The following CSMD1 variants were observed in gnomAD, a reference collection of about 807,000 sequenced individuals.
CSMD1 encodes CUB and Sushi multiple domains 1, also known as CUB and sushi domain-containing protein 1.
CSMD1 carries 213 observed loss-of-function variants against 417.5 expected under a neutral mutation model. That is an observed-to-expected ratio of 0.51 (90% CI 0.46 to 0.57). The LOEUF is 0.57. CSMD1 is among the 20% of genes least tolerant of loss of function. The pLI, the probability that CSMD1 is intolerant of heterozygous loss-of-function variation, is 0.00. For synonymous variants in CSMD1, 2,862 were observed against 1,736.8 expected, an observed-to-expected ratio of 1.65 and a Z score of -16.11; for missense variants, 6,923 against 4,529.7, an observed-to-expected ratio of 1.53 and a Z score of -15.17.
rs74868891 is a variant in CSMD1, at chr8:3,538,306, G to A, written c.1344+36639C>T. ...CACCTGATATGCTTCACCTGAGATG[G>A]TACACGTGCGATGCCTCATCTGAGA... On this transcript the variant is annotated intron_variant, in intron 10 of 69. Coordinates refer to ENST00000635120, the MANE Select transcript of CSMD1 (RefSeq NM_033225.6). Among the ~76,000 whole-genome samples the A allele has an allele frequency of 4.5e-3, 687 of 151,734 alleles. 10 individuals carry two copies. The highest frequency in any genetic ancestry group is 6.0e-3 in the Admixed American group (92 of 15,252).
At chr8:4,738,374 G>A (rs146942339) in intron 1 of CSMD1, among the ~76,000 whole-genome samples, 7 of 152,242 alleles carry the variant, frequency 4.6e-5, no homozygotes, top group African/African-American at 1.7e-4. Flanking sequence ...GTAGCAAAAG[G>A]GCAGCAAACA....
intron 5 of CSMD1, among the ~76,000 whole-genome samples, chr8:3,916,044 T>C (rs1808803094): frequency 6.6e-6 from 1 of 151,688 alleles, no homozygotes; most frequent in Admixed American, 6.6e-5. Flanking sequence ...GACAAATGGG[T>C]AACATAATAC....
chr8:3,947,187 T>C (rs73507602), intron 5 of CSMD1, among the ~76,000 whole-genome samples: 23,296 of 152,188 alleles, frequency 0.15, 2,586 homozygotes, highest in African/African-American at 0.31. Flanking sequence ...TTTACTGGGT[T>C]CAGGAGGTTT....
intron 3 of CSMD1, among the ~76,000 whole-genome samples, chr8:4,374,962 G>GT (rs1554450676): frequency 2.0e-5 from 1 of 49,798 alleles, no homozygotes; most frequent in Non-Finnish European, 4.9e-5. Context: ...AAGGTGGGGT[G>GT]GGGGGGGGGG....
chr8:4,047,148 C>T (rs532906662), intron 3 of CSMD1, among the ~76,000 whole-genome samples: 7 of 152,254 alleles, frequency 4.6e-5, no homozygotes, highest in Admixed American at 6.5e-5. Context: ...CAGCCTGCAA[C>T]GGTTCCGTGA....
chr8:2,999,380 C>T (rs1807198429), intron 53 of CSMD1, among the ~76,000 whole-genome samples: 1 of 152,108 alleles, frequency 6.6e-6, no homozygotes, highest in Non-Finnish European at 1.5e-5. Context: ...TCTTGAACTC[C>T]TGACCTCAGG....
intron 5 of CSMD1, among the ~76,000 whole-genome samples, chr8:3,877,394 C>A (rs1805896181): frequency 6.6e-6 from 1 of 152,190 alleles, no homozygotes; most frequent in Non-Finnish European, 1.5e-5. Flanking sequence ...CAGACCGAAC[C>A]CACGTTCCAT....
chr8:3,973,105 G>A (rs1342501114), intron 5 of CSMD1, among the ~76,000 whole-genome samples: 2 of 152,180 alleles, frequency 1.3e-5, no homozygotes, highest in Admixed American at 6.5e-5. Flanking sequence ...TTGCAAGCCT[G>A]CTTTCTTGAC....
intron 3 of CSMD1, among the ~76,000 whole-genome samples, chr8:4,295,451 A>T (rs934255031): frequency 2.1e-5 from 3 of 144,502 alleles, no homozygotes; most frequent in Non-Finnish European, 4.5e-5. Context: ...TAATCTTATT[A>T]TACACATATA....
intron 3 of CSMD1, among the ~76,000 whole-genome samples, chr8:4,270,286 T>A (rs776990075): frequency 6.6e-6 from 1 of 152,148 alleles, no homozygotes; most frequent in Non-Finnish European, 1.5e-5. Flanking sequence ...TCACTACAGT[T>A]ACCTTCTTCC....
In CSMD1 at chr8:2,937,156, T is replaced by A. The variant is rs1254522788; in HGVS notation, c.*1429A>T. 1 of 152,190 alleles carries A rather than the reference T, an allele frequency of 6.6e-6. No individual in the cohort carries two copies. The highest frequency in any genetic ancestry group is 6.5e-5 in the Admixed American group (1 of 15,276). 9.4% of individuals were successfully genotyped at this position (152,190 alleles called of 1,614,324 possible). On this transcript the variant is annotated 3_prime_UTR_variant, in exon 70 of 70. Transcript: ENST00000635120. ...TGATTTTTATTTGCCCTGGGGATCT[T>A]ATAGATTTTATTTGCATCATAACTT...
intron 1 of CSMD1, among the ~76,000 whole-genome samples, chr8:4,849,262 T>A (rs965312701): frequency 5.9e-5 from 9 of 152,160 alleles, no homozygotes; most frequent in African/African-American, 1.7e-4. Flanking sequence ...CCTGTGCATG[T>A]GTTTCATATT....
At chr8:3,854,682 G>A (rs1176995891) in intron 5 of CSMD1, among the ~76,000 whole-genome samples, 1 of 151,792 alleles carries the variant, frequency 6.6e-6, no homozygotes, top group Admixed American at 6.6e-5. Flanking sequence ...ATGGAGAGTG[G>A]GCGAGAAGGG....
At chr8:3,573,012 T>C (rs773810985) in intron 10 of CSMD1, among the ~76,000 whole-genome samples, 1 of 141,054 alleles carries the variant, frequency 7.1e-6, no homozygotes, top group Non-Finnish European at 1.5e-5. Context: ...TATATAATTT[T>C]AATTCAAATT....
At chr8:4,645,153 T>C (rs1227019464) in intron 1 of CSMD1, among the ~76,000 whole-genome samples, 2 of 152,134 alleles carry the variant, frequency 1.3e-5, no homozygotes, top group Non-Finnish European at 2.9e-5. Flanking sequence ...GAAGCTAATT[T>C]TTCTCCTACA....
chr8:4,787,808 G>C (rs1431131765), intron 1 of CSMD1: 3 of 1,575,232 alleles, frequency 1.9e-6, no homozygotes, highest in South Asian at 2.2e-5. Context: ...GATATCATGA[G>C]TCATGCTACA....
At position 4,018,436 on chromosome 8, in the gene CSMD1, G is replaced by A. The variant is rs1156235811; in HGVS notation, c.610+13469C>T. ...TTCTCTCCCAGTTTGCAATCTCTGA[G>A]TAGCTGCAGGTCTGTCAACACAGCT... On this transcript the variant is annotated intron_variant, in intron 4 of 69. Coordinates refer to ENST00000635120, the MANE Select transcript of CSMD1 (RefSeq NM_033225.6). 2.6e-5 allele frequency among the ~76,000 whole-genome samples: 4 copies of A among 152,148 alleles called. No homozygotes were observed. The South Asian group carries it at 8.3e-4, about 31-fold the overall frequency.
chr8:4,818,252 A>G (rs1227974716), intron 1 of CSMD1, among the ~76,000 whole-genome samples: 2 of 152,144 alleles, frequency 1.3e-5, no homozygotes, highest in African/African-American at 4.8e-5. Context: ...ATTCTTTGTA[A>G]CGATTTTCTC....
At chr8:4,724,301 A>G in intron 1 of CSMD1, among the ~76,000 whole-genome samples, 1 of 152,150 alleles carries the variant, frequency 6.6e-6, no homozygotes, top group South Asian at 2.1e-4. Flanking sequence ...GTGTGTAAAC[A>G]TAGGGTTATC....
Sources: allele counts gnomAD v4.1 joint callset (sites outside exome capture counted in the v4.1 genomes callset), GRCh38; gene constraint gnomAD v4.1.1; transcripts MANE v1.5; gene names NCBI Gene and HGNC (gene_info 2026-07-23, HGNC 2026-07-21).